The following BLTP1 variants were observed in gnomAD, a reference collection of about 807,000 sequenced individuals.
BLTP1 encodes fragile site-associated protein.
At chr4:122,356,809 C>T in the BLTP1 span, 1 of 1,573,356 alleles carries the variant, frequency 6.4e-7, no homozygotes, top group Non-Finnish European at 8.6e-7. Context: ...CTGTCAATGC[C>T]ATTTACATGA....
At chr4:122,305,140 G>A in the BLTP1 span, 3 of 952,494 alleles carry the variant, frequency 3.1e-6, no homozygotes, top group African/African-American at 5.3e-5. Context: ...ATTTACCTTG[G>A]CATTTCATTG....
the BLTP1 span, among the ~76,000 whole-genome samples, chr4:122,341,224 GTGTT>G: frequency 6.6e-6 from 1 of 152,110 alleles, no homozygotes; most frequent in Non-Finnish European, 1.5e-5. Context: ...CATTTTGAAA[GTGTT>G]TGATACATTT....
At chr4:122,177,134 A>G in the BLTP1 span, among the ~76,000 whole-genome samples, 4 of 152,140 alleles carry the variant, frequency 2.6e-5, no homozygotes, top group African/African-American at 4.8e-5. Context: ...GAAATATTCA[A>G]CCAAACACCT....
the BLTP1 span, chr4:122,153,950 T>C: frequency 1.0e-6 from 1 of 961,706 alleles, no homozygotes. Context: ...AACGAAATCA[T>C]ATAATCAGAA....
chr4:122,235,822 AAG>A, the BLTP1 span, among the ~76,000 whole-genome samples: 1 of 152,208 alleles, frequency 6.6e-6, no homozygotes, highest in South Asian at 2.1e-4. Context: ...AAAAAAAAAA[AAG>A]AATCTTTAGC....
the BLTP1 span, chr4:122,235,304 T>C: frequency 1.2e-5 from 12 of 968,312 alleles, no homozygotes; most frequent in Non-Finnish European, 1.5e-5. Flanking sequence ...TACATACTGT[T>C]ATTTTCCTGT....
the BLTP1 span, among the ~76,000 whole-genome samples, chr4:122,290,691 G>A: frequency 6.7e-6 from 1 of 148,646 alleles, no homozygotes; most frequent in African/African-American, 2.5e-5. Context: ...GGAGGCTGAG[G>A]CAGGAGAATG....
the BLTP1 span, chr4:122,189,669 G>A: frequency 4.3e-6 from 4 of 925,050 alleles, no homozygotes; most frequent in Admixed American, 6.2e-5. Context: ...GTTTTAAATC[G>A]ATTTCTCTCA....
At chr4:122,160,542 A>G in the BLTP1 span, among the ~76,000 whole-genome samples, 3 of 152,198 alleles carry the variant, frequency 2.0e-5, no homozygotes, top group Non-Finnish European at 4.4e-5. Flanking sequence ...TGTATACTTT[A>G]TCTGTATAGC....
the BLTP1 span, chr4:122,248,218 G>A: frequency 1.5e-6 from 1 of 674,672 alleles, no homozygotes; most frequent in Non-Finnish European, 1.8e-6. Flanking sequence ...CCTAAAACTG[G>A]TGAAAAATGT....
At chr4:122,278,041 A>G in the BLTP1 span, among the ~76,000 whole-genome samples, 2 of 152,144 alleles carry the variant, frequency 1.3e-5, no homozygotes, top group African/African-American at 4.8e-5. Context: ...TGCAAATAGC[A>G]TAAAATAAAT....
the BLTP1 span, among the ~76,000 whole-genome samples, chr4:122,339,851 G>A: frequency 6.6e-6 from 1 of 152,158 alleles, no homozygotes; most frequent in African/African-American, 2.4e-5. Context: ...TCAAGTAGCA[G>A]TAGCATATGT....
the BLTP1 span, chr4:122,266,793 A>G: frequency 6.3e-7 from 1 of 1,597,394 alleles, no homozygotes; most frequent in Non-Finnish European, 8.5e-7. Context: ...GTTGTTTTCA[A>G]GCCTCTTCTG....
the BLTP1 span, chr4:122,212,007 G>A: frequency 3.1e-6 from 3 of 966,508 alleles, no homozygotes; most frequent in Non-Finnish European, 3.7e-6. Context: ...AGGATCGGCA[G>A]ATTCACTTTG....
At chr4:122,233,161 G>A in the BLTP1 span, among the ~76,000 whole-genome samples, 2 of 152,114 alleles carry the variant, frequency 1.3e-5, no homozygotes, top group African/African-American at 2.4e-5. Flanking sequence ...ACAGTTCAAC[G>A]AGCCATTCAG....
chr4:122,288,389 A>G, the BLTP1 span, among the ~76,000 whole-genome samples: 1 of 152,152 alleles, frequency 6.6e-6, no homozygotes, highest in Non-Finnish European at 1.5e-5. Context: ...GATTAAATAA[A>G]TCTATTTTTG....
the BLTP1 span, among the ~76,000 whole-genome samples, chr4:122,302,454 A>G: frequency 6.6e-6 from 1 of 152,122 alleles, no homozygotes; most frequent in Non-Finnish European, 1.5e-5. Flanking sequence ...CATTAGTATT[A>G]TATGTCTGTT....
At chr4:122,235,067 C>T in the BLTP1 span, 1 of 1,454,714 alleles carries the variant, frequency 6.9e-7, no homozygotes, top group Non-Finnish European at 9.5e-7. Flanking sequence ...TTACTTTCTT[C>T]ATCACTATGC....
the BLTP1 span, among the ~76,000 whole-genome samples, chr4:122,155,744 AC>A: frequency 6.6e-6 from 1 of 152,242 alleles, no homozygotes; most frequent in Non-Finnish European, 1.5e-5. Context: ...TATAGAAGAT[AC>A]ATGGTCAGAT....
Sources: gnomAD v4.1 joint callset for allele counts (sites outside exome capture counted in the v4.1 genomes callset) on GRCh38, gnomAD v4.1.1 for gene constraint, MANE v1.5 for transcripts, NCBI Gene and HGNC (gene_info 2026-07-23, HGNC 2026-07-21) for gene names.